The following XRCC6 variants were observed in gnomAD, a reference collection of about 807,000 sequenced individuals.
XRCC6 encodes X-ray repair cross complementing 6.
In XRCC6, 5 loss-of-function variants were observed where a neutral mutation model predicts 65.7. The ratio of observed to expected loss-of-function variants is 0.08; its 90% confidence interval spans 0.04 to 0.16. The LOEUF is 0.16. Ranked by LOEUF, XRCC6 falls within the 10% of genes least tolerant of loss-of-function variation. The probability of loss-of-function intolerance (pLI) is 1.00; values close to 1 mark genes in which losing one functional copy is unlikely to be tolerated. For missense variants in XRCC6, 447 were observed against 738.1 expected (o/e 0.61, Z 4.57); for synonymous variants, 270 against 270.6 (o/e 1.00, Z 0.02).
intron 10 of XRCC6, among the ~76,000 whole-genome samples, chr22:41,657,253 G>C (rs1417977666): frequency 6.6e-6 from 1 of 152,196 alleles, no homozygotes; most frequent in Non-Finnish European, 1.5e-5. Flanking sequence ...TACTTAGCCA[G>C]ATTAGTTGGT....
intron 3 of XRCC6, chr22:41,628,455 G>A (rs1167644772): frequency 5.5e-6 from 2 of 362,648 alleles, no homozygotes; most frequent in Non-Finnish European, 1.0e-5. Flanking sequence ...CTACTCAGGA[G>A]GCCGAGGCGA....
chr22:41,661,509 A>C (rs1383405636), intron 12 of XRCC6, 65 bp downstream of exon 12: 12 of 1,320,988 alleles, frequency 9.1e-6, no homozygotes. Flanking sequence ...GTCTTATCAC[A>C]GTGGGCAATA....
At chr22:41,663,579 T>G in intron 12 of XRCC6, 43 bp from the exon 13 acceptor site, 1 of 1,576,078 alleles carries the variant, frequency 6.3e-7, no homozygotes, top group Non-Finnish European at 8.7e-7. Context: ...ATGCCACTTG[T>G]ATGTAGCATT....
At chr22:41,631,417 G>A (rs980838728) in intron 3 of XRCC6, among the ~76,000 whole-genome samples, 4 of 151,198 alleles carry the variant, frequency 2.6e-5, no homozygotes, top group East Asian at 2.0e-4. Flanking sequence ...CCGACGGGGC[G>A]GTTGCCGGGT....
chr22:41,650,277 A>G (rs2067982781), intron 7 of XRCC6, among the ~76,000 whole-genome samples: 1 of 151,498 alleles, frequency 6.6e-6, no homozygotes, highest in African/African-American at 2.4e-5. Context: ...GCTAATTTTT[A>G]ATTTTTTTAT....
At chr22:41,646,620 C>A (rs1487499471) in intron 6 of XRCC6, among the ~76,000 whole-genome samples, 1 of 152,142 alleles carries the variant, frequency 6.6e-6, no homozygotes, top group African/African-American at 2.4e-5. Context: ...AATCTGAAAT[C>A]TGAAACATTT....
chr22:41,644,673 G>C (rs145483488), intron 6 of XRCC6, among the ~76,000 whole-genome samples: 2 of 151,902 alleles, frequency 1.3e-5, no homozygotes, highest in East Asian at 2.0e-4. Context: ...TATTTTAGTA[G>C]AGATGGGGTT....
At chr22:41,661,228 C>T in intron 11 of XRCC6, 103 bp from the exon 12 acceptor site, 1 of 924,150 alleles carries the variant, frequency 1.1e-6, no homozygotes, top group Non-Finnish European at 1.7e-6. Flanking sequence ...CCCACCTTAG[C>T]AGTTAGGTGC....
At chr22:41,649,160 A>ATATGTATGTATG (rs61549526) in intron 7 of XRCC6, among the ~76,000 whole-genome samples, 1 of 125,874 alleles carries the variant, frequency 7.9e-6, no homozygotes, top group African/African-American at 3.6e-5. Flanking sequence ...ATATATATAT[A>ATATGTATGTATG]TATGTATGTA....
intron 2 of XRCC6, among the ~76,000 whole-genome samples, chr22:41,623,825 A>G (rs1055093364): frequency 1.3e-5 from 2 of 152,034 alleles, no homozygotes; most frequent in Non-Finnish European, 2.9e-5. Context: ...AGTTCAGGCT[A>G]TTCTCCCATC....
intron 8 of XRCC6, among the ~76,000 whole-genome samples, chr22:41,651,932 C>T (rs1188825975): frequency 6.6e-6 from 1 of 151,794 alleles, no homozygotes; most frequent in African/African-American, 2.4e-5. Flanking sequence ...TACAGGTGCA[C>T]GCCACCACGC....
chr22:41,629,089 C>T (rs868554127), intron 3 of XRCC6, among the ~76,000 whole-genome samples: 1 of 151,698 alleles, frequency 6.6e-6, no homozygotes, highest in South Asian at 2.1e-4. Context: ...AATGAGCTAC[C>T]ACTCACACCC....
At chr22:41,631,260 G>C (rs955062108) in intron 3 of XRCC6, among the ~76,000 whole-genome samples, 1 of 150,332 alleles carries the variant, frequency 6.7e-6, no homozygotes, top group Non-Finnish European at 1.5e-5. Flanking sequence ...GGCTGGCCTG[G>C]CTGGGGCTGA....
chr22:41,632,010 C>T (rs1172289889), intron 3 of XRCC6, among the ~76,000 whole-genome samples: 2 of 152,174 alleles, frequency 1.3e-5, no homozygotes, highest in East Asian at 1.9e-4. Flanking sequence ...CGCCTGCAAT[C>T]GCAGGTGCTC....
chr22:41,623,519 C>T (rs191433877), intron 2 of XRCC6, among the ~76,000 whole-genome samples: 1 of 151,846 alleles, frequency 6.6e-6, no homozygotes, highest in African/African-American at 2.4e-5. Flanking sequence ...TCCCGAGTAG[C>T]TGGGACCATA....
intron 6 of XRCC6, among the ~76,000 whole-genome samples, chr22:41,643,148 A>C (rs1448331217): frequency 6.6e-6 from 1 of 152,218 alleles, no homozygotes; most frequent in Non-Finnish European, 1.5e-5. Flanking sequence ...GCGGTGGCTC[A>C]CGCCTGTAAT....
intron 6 of XRCC6, among the ~76,000 whole-genome samples, chr22:41,638,209 C>T (rs2067830747): frequency 6.6e-6 from 1 of 152,056 alleles, no homozygotes. Flanking sequence ...CAGTTATGGT[C>T]TAAGAGTATC....
chr22:41,633,940 AT>A (rs952260158), intron 3 of XRCC6, among the ~76,000 whole-genome samples: 1 of 152,198 alleles, frequency 6.6e-6, no homozygotes, highest in Non-Finnish European at 1.5e-5. Flanking sequence ...TTTGTTTTTA[AT>A]TTTTAGAACC....
chr22:41,628,494 C>T (rs558472898), intron 3 of XRCC6, among the ~76,000 whole-genome samples: 1 of 151,884 alleles, frequency 6.6e-6, no homozygotes, highest in African/African-American at 2.4e-5. Context: ...GGAGGTCAAA[C>T]AGAAAAAAGA....
Sources: allele counts gnomAD v4.1 joint callset (sites outside exome capture counted in the v4.1 genomes callset), GRCh38; gene constraint gnomAD v4.1.1; transcripts MANE v1.5; gene names NCBI Gene and HGNC (gene_info 2026-07-23, HGNC 2026-07-21).